The following APOBEC3D variants were observed in gnomAD, a reference collection of about 807,000 sequenced individuals.
APOBEC3D encodes DNA dC->dU-editing enzyme APOBEC-3D.
A neutral mutation model predicts 45.6 loss-of-function variants in APOBEC3D; 37 were observed. The observed-to-expected ratio is 0.81, with a 90% CI of 0.62 to 1.07. The LOEUF (loss-of-function observed/expected upper bound fraction) is 1.07, where lower values mean the gene tolerates loss of function less well. Ranked by LOEUF, APOBEC3D falls within the 50% of genes least tolerant of loss-of-function variation. The pLI is 0.00. For synonymous variants in APOBEC3D, 175 were observed against 180.7 expected, an observed-to-expected ratio of 0.97 and a Z score of 0.25; for missense variants, 496 against 495.3, an observed-to-expected ratio of 1.00 and a Z score of -0.01.
chr22:39,032,744 C>A lies in APOBEC3D; in HGVS notation c.*428C>A. 1 of 304,234 alleles carries A rather than the reference C, an allele frequency of 3.3e-6. No individual in the cohort carries two copies. The highest frequency in any genetic ancestry group is 2.3e-5 in the African/African-American group (1 of 43,588). The allele number at this position is 304,234 out of a possible 1,614,324, so 18.8% of individuals were successfully genotyped here. On this transcript the variant is annotated 3_prime_UTR_variant, in exon 7 of 7. Transcript: ENST00000216099. ...AGTAGCTGGGATTACAGATGCCTGC[C>A]ACCACGCCCAGCTAATTTTTTTTTT...
intron 4 of APOBEC3D, 30 bp downstream of exon 4, chr22:39,025,701 C>G (rs376752851): frequency 1.7e-4 from 270 of 1,613,732 alleles, no homozygotes; most frequent in South Asian, 1.4e-3. Context: ...CTCATCGTCT[C>G]TCTCCTCTCG....
In APOBEC3D at chr22:39,031,726, G is replaced by A. The variant is rs781083426; in HGVS notation, c.795G>A (p.Arg265=). The A allele has an allele frequency of 5.0e-6, 8 of 1,612,946 alleles. No individual in the cohort carries two copies. In the African/African-American group the frequency reaches 1.1e-4, roughly 22 times the overall value. ...CTGAGACCCATTGTCATGCAGAAAG[G>A]TGCTTCCTCTCTTGGTTCTGTGACG... is the stretch of plus-strand genomic sequence containing the variant. ...VDPETHCHAE[R]CFLSWFCDDI... Residue 265 remains arginine, a synonymous_variant, in exon 6 of 7, where the codon AGG becomes AGA. Transcript: ENST00000216099.
intron 4 of APOBEC3D, among the ~76,000 whole-genome samples, chr22:39,029,042 G>A (rs761257199): frequency 1.3e-5 from 2 of 152,240 alleles, no homozygotes; most frequent in African/African-American, 2.4e-5. Flanking sequence ...AATTATTTCA[G>A]GGTGAAGAGT....
In APOBEC3D at chr22:39,025,761, C is replaced by T. The variant is rs574930814; in HGVS notation, c.605+90C>T. ...TCCCCTGGCTGGGCCCTCCTGCCCTCCGTCCTGCCCCCCTGCCTGCCCTCA... is the reference window on the plus strand; with the variant it reads ...TCCCCTGGCTGGGCCCTCCTGCCCTTCGTCCTGCCCCCCTGCCTGCCCTCA... On this transcript the variant is annotated intron_variant, in intron 4 of 6. Transcript: ENST00000216099. The T allele has an allele frequency of 2.8e-5, 44 of 1,590,828 alleles. No individual in the cohort carries two copies. In the African/African-American group the frequency reaches 5.1e-4, roughly 19 times the overall value.
chr22:39,023,077 G>A, intron 2 of APOBEC3D, 63 bp downstream of exon 2: 1 of 1,254,228 alleles, frequency 8.0e-7, no homozygotes, highest in South Asian at 2.5e-5. Flanking sequence ...TCTCAACTGT[G>A]TATTTTTTCC....
Position 39,033,156 on chromosome 22 carries a change from G to A in APOBEC3D, c.*840G>A, listed in dbSNP as rs142825201. On this transcript the variant is annotated 3_prime_UTR_variant, in exon 7 of 7. Transcript: ENST00000216099. Reference sequence around the variant, plus strand: ...TGCTTGAGCCGGGGAGGTGGAGGCTGGAGTAAACTGAGATCGCGCCACAGA... The same window carrying A: ...TGCTTGAGCCGGGGAGGTGGAGGCTAGAGTAAACTGAGATCGCGCCACAGA... 4 of 572,412 alleles carry A rather than the reference G, an allele frequency of 7.0e-6. No homozygotes were observed. Among genetic ancestry groups the A allele is most frequent in the African/African-American group, 4.0e-5 (2 of 49,408 alleles). The allele number at this position is 572,412 out of a possible 1,614,324, so 35.5% of individuals were successfully genotyped here.
rs367579805 is a variant in APOBEC3D, at chr22:39,025,245, C to A, written c.386C>A (p.Thr129Asn). The change falls in exon 3 of 7, where the codon ACC becomes AAC. Residue 129 changes from threonine (T) to asparagine (N), a missense_variant. By Grantham distance (65) the Thr-to-Asn change is moderately conservative. Transcript: ENST00000216099. ...FLAEHPNVTL[T>N]ISAARLYYYR... is the part of the protein sequence containing the mutation. ...GCTGAGCACCCCAATGTCACCCTGA[C>A]CATCTCTGCCGCCCGCCTCTACTAC... The A allele has an allele frequency of 1.4e-5, 23 of 1,614,010 alleles. No individual in the cohort carries two copies. In the African/African-American group the frequency reaches 3.1e-4, roughly 22 times the overall value.
chr22:39,026,913 G>C (rs1216540087), intron 4 of APOBEC3D, among the ~76,000 whole-genome samples: 1 of 152,086 alleles, frequency 6.6e-6, no homozygotes, highest in Admixed American at 6.6e-5. Flanking sequence ...CACCATGCCG[G>C]CTAATTTTTG....
At chr22:39,031,622 C>A (rs966429946) in intron 5 of APOBEC3D, 72 bp from the exon 6 acceptor site, 1 of 1,580,216 alleles carries the variant, frequency 6.3e-7, no homozygotes, top group Admixed American at 1.7e-5. Context: ...CCTCTTCTCC[C>A]ATCGCCCCAC....
intron 2 of APOBEC3D, among the ~76,000 whole-genome samples, chr22:39,024,536 C>A (rs1193318661): frequency 6.6e-6 from 1 of 152,174 alleles, no homozygotes; most frequent in African/African-American, 2.4e-5. Flanking sequence ...TTACAGTGAA[C>A]AGAAATGTGT....
chr22:39,021,302 T>G lies in APOBEC3D; in HGVS notation c.-218T>G. 1 of 525,382 alleles carries G rather than the reference T, an allele frequency of 1.9e-6. No individual in the cohort carries two copies. The highest frequency in any genetic ancestry group is 2.0e-5 in the South Asian group (1 of 50,426). The allele number at this position is 525,382 out of a possible 1,614,324, so 32.5% of individuals were successfully genotyped here. A position where few individuals can be genotyped will look rare whatever the true frequency, so the allele number is the denominator to read the frequency against. On this transcript the variant is annotated 5_prime_UTR_variant, in exon 1 of 7. Coordinates refer to ENST00000216099, the MANE Select transcript of APOBEC3D (RefSeq NM_152426.4). ...TTTGTATTTTTAGTAGAGACGGGGT[T>G]TCTCCATGTTGGTCAGGCTGGTCTC...
At chr22:39,021,666 G>A (rs536287941) in intron 1 of APOBEC3D, 130 bp downstream of exon 1, 35 of 1,300,434 alleles carry the variant, frequency 2.7e-5, no homozygotes, top group South Asian at 2.6e-4. Context: ...CTTCCCTGCC[G>A]CCCCCACTCC....
Position 39,025,326 on chromosome 22 carries a change from G to T in APOBEC3D, c.467G>T (p.Arg156Leu). ...VLLRLHKAGA[R>L]VKIMDYEDFA... ...CTCAGGCTGCATAAGGCAGGGGCCCGTGTGAAGATCATGGACTATGAAGGT... is the reference window on the plus strand; with the variant it reads ...CTCAGGCTGCATAAGGCAGGGGCCCTTGTGAAGATCATGGACTATGAAGGT... Residue 156 changes from arginine (R) to leucine (L), a missense_variant, in exon 3 of 7, where the codon CGT becomes CTT. Arg to Leu is a moderately radical substitution (Grantham distance 102). Coordinates refer to ENST00000216099, the MANE Select transcript of APOBEC3D (RefSeq NM_152426.4). The T allele has an allele frequency of 1.9e-6, 3 of 1,614,106 alleles. No individual in the cohort carries two copies. Among genetic ancestry groups the T allele is most frequent in the Non-Finnish European group, 2.5e-6 (3 of 1,179,998 alleles).
At chr22:39,024,206 T>A (rs1925406622) in intron 2 of APOBEC3D, among the ~76,000 whole-genome samples, 1 of 152,248 alleles carries the variant, frequency 6.6e-6, no homozygotes, top group South Asian at 2.1e-4. Context: ...CTTCTCACAC[T>A]GAAATGAGTG....
chr22:39,026,592 T>G (rs1027633322), intron 4 of APOBEC3D, among the ~76,000 whole-genome samples: 3 of 152,024 alleles, frequency 2.0e-5, no homozygotes, highest in Non-Finnish European at 4.4e-5. Flanking sequence ...CTGCCCTGAC[T>G]CCCACAGCCC....
chr22:39,029,621 CTT>C, intron 5 of APOBEC3D, 102 bp downstream of exon 5: 2 of 1,289,630 alleles, frequency 1.6e-6, no homozygotes, highest in Non-Finnish European at 2.1e-6. Flanking sequence ...GCTATGTGTA[CTT>C]TCCTCTTACA....
chr22:39,025,557 A>T lies in APOBEC3D; in HGVS notation c.491A>T (p.Asp164Val). 2 of 1,614,068 alleles carry T rather than the reference A, an allele frequency of 1.2e-6. No individual in the cohort carries two copies. Among genetic ancestry groups the T allele is most frequent in the Non-Finnish European group, 1.7e-6 (2 of 1,179,988 alleles). ...GARVKIMDYE[D>V]FAYCWENFVC... Reference sequence around the variant, plus strand: ...AGTGCTTCCCACCTCTTCATCTCAGACTTTGCATACTGCTGGGAAAACTTT... The same window carrying T: ...AGTGCTTCCCACCTCTTCATCTCAGTCTTTGCATACTGCTGGGAAAACTTT... Residue 164 changes from aspartate to valine, a missense_variant and splice_region_variant, in exon 4 of 7, where the codon GAC (aspartate) becomes GTC (valine). Physicochemically the swap from Asp to Val is radical, Grantham distance 152 (BLOSUM62 -3). Transcript: ENST00000216099.
intron 5 of APOBEC3D, among the ~76,000 whole-genome samples, chr22:39,029,873 C>A (rs1323665780): frequency 1.3e-5 from 2 of 152,202 alleles, no homozygotes; most frequent in Admixed American, 6.5e-5. Context: ...GGCCTCCCAA[C>A]GTTCTAGGAT....
rs182754414 is a variant in APOBEC3D, at chr22:39,030,384, T to C, written c.762+865T>C. On this transcript the variant is annotated intron_variant, in intron 5 of 6. Coordinates refer to ENST00000216099, the MANE Select transcript of APOBEC3D (RefSeq NM_152426.4). ...GCTGGGCAGGCCTGGCCTACAGCAG[T>C]GCTGGCCTCGGAAACACCCAGGACT... is the stretch of plus-strand genomic sequence containing the variant. Among the ~76,000 whole-genome samples the C allele has an allele frequency of 2.0e-4, 31 of 152,218 alleles. No homozygotes were observed. In the East Asian group the frequency reaches 5.6e-3, roughly 27 times the overall value.
Sources: gnomAD v4.1 joint callset for allele counts (sites outside exome capture counted in the v4.1 genomes callset) on GRCh38, gnomAD v4.1.1 for gene constraint, MANE v1.5 for transcripts, NCBI Gene and HGNC (gene_info 2026-07-23, HGNC 2026-07-21) for gene names.